The following PIP4K2C variants were observed in gnomAD, a reference collection of about 807,000 sequenced individuals.
The protein encoded by PIP4K2C is phosphatidylinositol 5-phosphate 4-kinase type-2 gamma.
Under a neutral mutation model 45.0 loss-of-function variants are expected in PIP4K2C, and 21 were observed. The ratio of observed to expected loss-of-function variants is 0.47; its 90% CI spans 0.33 to 0.67. The LOEUF is 0.67. Among genes scored for constraint, PIP4K2C ranks in the 30% least tolerant of loss-of-function variants. The pLI is 0.02. For missense variants in PIP4K2C, 456 were observed against 542.8 expected (o/e 0.84, Z 1.59); for synonymous variants, 201 against 204.8 (o/e 0.98, Z 0.16).
chr12:57,600,402 A>T lies in PIP4K2C; in HGVS notation c.778A>T (p.Lys260Ter), dbSNP rs1041484645. ...AGTATATATTGGTGAAGAGGAGAAGAAAATATTTCTGGAGAAGCTGAAGAG... is the reference window on the plus strand; with the variant it reads ...AGTATATATTGGTGAAGAGGAGAAGTAAATATTTCTGGAGAAGCTGAAGAG... Reference protein sequence around the residue: ...QKVYIGEEEKKIFLEKLKRDV... With the variant: ...QKVYIGEEEK The change falls in exon 7 of 10, where the codon AAA becomes TAA. Residue 260 changes from lysine to a stop codon, truncating the protein, a stop_gained. Coordinates refer to ENST00000354947, the MANE Select transcript of PIP4K2C (RefSeq NM_024779.5). LOFTEE classifies it high-confidence loss of function. 1 of 1,609,808 alleles carries T rather than the reference A, an allele frequency of 6.2e-7. No individual in the cohort carries two copies. The highest frequency in any genetic ancestry group is 8.5e-7 in the Non-Finnish European group (1 of 1,176,220).
rs1456881050 is a variant in PIP4K2C at position 57,591,222 on chromosome 12, G to C, written c.-68G>C. 2.7e-6 allele frequency: 4 copies of C among 1,483,848 alleles called. No individual in the cohort carries two copies. The African/African-American group carries it at 5.6e-5, about 21-fold the overall frequency. 91.9% of individuals were successfully genotyped at this position (1,483,848 alleles called of 1,614,324 possible). On this transcript the variant is annotated 5_prime_UTR_variant, in exon 1 of 10. Coordinates refer to ENST00000354947, the MANE Select transcript of PIP4K2C (RefSeq NM_024779.5). Reference sequence around the variant, plus strand: ...CGTGACAGCAGCGCAGGTGAGCGCCGCTTCCGGGGTCGGGCGCCTGGATAG... The same window carrying C: ...CGTGACAGCAGCGCAGGTGAGCGCCCCTTCCGGGGTCGGGCGCCTGGATAG...
At chr12:57,593,071 C>T (rs1006326492) in intron 1 of PIP4K2C, among the ~76,000 whole-genome samples, 1 of 152,048 alleles carries the variant, frequency 6.6e-6, no homozygotes, top group Non-Finnish European at 1.5e-5. Flanking sequence ...AATTAATAGA[C>T]ATGTCAGGAT....
intron 2 of PIP4K2C, 130 bp downstream of exon 2, chr12:57,594,252 C>A: frequency 1.4e-6 from 1 of 722,370 alleles, no homozygotes. Flanking sequence ...TGCAAGGAAA[C>A]CATGAGAATA....
In PIP4K2C at chr12:57,603,279, C is replaced by T. The variant is rs944341372; in HGVS notation, c.*1673C>T. The stretch of plus-strand genomic sequence containing the variant: ...GCTCTTTAGAAATGGGTTTTCTGAT[C>T]ATATGGCTGATGTGTTATGGGCAGT... On this transcript the variant is annotated 3_prime_UTR_variant, in exon 10 of 10. Transcript: ENST00000354947. 5.9e-5 allele frequency: 9 copies of T among 152,620 alleles called. No homozygotes were observed. The highest frequency in any genetic ancestry group is 2.2e-4 in the African/African-American group (9 of 41,446). The allele number at this position is 152,620 out of a possible 1,614,324, so 9.5% of individuals were successfully genotyped here. A position where few individuals can be genotyped will look rare whatever the true frequency, so the allele number is the denominator to read the frequency against.
Position 57,595,109 on chromosome 12 carries a change from G to A in PIP4K2C, c.273-17G>A. On this transcript the variant is annotated splice_polypyrimidine_tract_variant and intron_variant, in intron 2 of 9. Coordinates refer to ENST00000354947, the MANE Select transcript of PIP4K2C (RefSeq NM_024779.5). ...GTAATATTGTTTGTTTTCTTACTTT[G>A]AAAACCTGAATTTCAGGGAAAATCT... 6.6e-7 allele frequency: 1 copy of A among 1,524,276 alleles called. No individual in the cohort carries two copies. The highest frequency in any genetic ancestry group is 1.7e-4 in the Middle Eastern group (1 of 5,912). 94.4% of individuals were successfully genotyped at this position (1,524,276 alleles called of 1,614,324 possible).
chr12:57,600,809 A>C lies in PIP4K2C; in HGVS notation c.814-2A>C. ...GGTGTCTGATTTGTCAGTGGGTCTC[A>C]GTTTCTAGTGCAGCTGAAGATCATG... is the stretch of plus-strand genomic sequence containing the variant. On this transcript the variant is annotated splice_acceptor_variant, in intron 7 of 9. Transcript: ENST00000354947. LOFTEE classifies it high-confidence loss of function. 6.2e-7 allele frequency: 1 copy of C among 1,613,988 alleles called. No individual in the cohort carries two copies. The highest frequency in any genetic ancestry group is 2.2e-5 in the East Asian group (1 of 44,878).
rs812873 is a variant in PIP4K2C at position 57,601,306 on chromosome 12, T to C, written c.1143T>C (p.Ala381=). The change falls in exon 9 of 10, where the codon GCT becomes GCC. Residue 381 remains alanine, a synonymous_variant. Coordinates refer to ENST00000354947, the MANE Select transcript of PIP4K2C (RefSeq NM_024779.5). ...GLIDILTQYD[A]KKKAAHAAKT... is the part of the protein sequence containing the mutation. ...TTGATATCCTTACACAGTATGATGCTAAGAAGAAAGCAGCTCATGCAGCCA... is the reference window on the plus strand; with the variant it reads ...TTGATATCCTTACACAGTATGATGCCAAGAAGAAAGCAGCTCATGCAGCCA... 1,588,965 of 1,613,906 alleles carry C rather than the reference T, an allele frequency of 0.98. 784,974 individuals carry two copies. Among genetic ancestry groups the C allele is most frequent in the East Asian group, 1 (44,860 of 44,860 alleles).
Position 57,594,094 on chromosome 12 carries a change from ATCAAGG to A in PIP4K2C, c.249_254del (p.Lys83_Val84del). 1 of 1,614,016 alleles carries A rather than the reference ATCAAGG, an allele frequency of 6.2e-7. No individual in the cohort carries two copies. The highest frequency in any genetic ancestry group is 8.5e-7 in the Non-Finnish European group (1 of 1,179,970). Reference sequence around the variant, plus strand: ...AGATGACTTTAAGGCCAGCTCCAAGATCAAGGTCAACAATCACCTTTTCCACAGGTA... The same window carrying A: ...AGATGACTTTAAGGCCAGCTCCAAGATCAACAATCACCTTTTCCACAGGTA... On this transcript the variant is annotated inframe_deletion, in exon 2 of 10. Transcript: ENST00000354947.
At chr12:57,592,583 G>A (rs1078109) in intron 1 of PIP4K2C, among the ~76,000 whole-genome samples, 9,050 of 152,188 alleles carry the variant, frequency 0.059, 365 homozygotes, top group Non-Finnish European at 0.096. Flanking sequence ...TTGGTATGGG[G>A]AAGGCTGATG....
intron 1 of PIP4K2C, among the ~76,000 whole-genome samples, chr12:57,593,675 GTTTTTT>G (rs56900742): frequency 1.6e-5 from 1 of 64,042 alleles, no homozygotes; most frequent in African/African-American, 7.3e-5. Flanking sequence ...AGCTTGCAGA[GTTTTTT>G]TTTTTTTTTT....
intron 4 of PIP4K2C, among the ~76,000 whole-genome samples, chr12:57,598,394 G>T (rs976930924): frequency 1.3e-5 from 2 of 151,890 alleles, no homozygotes; most frequent in South Asian, 4.2e-4. Flanking sequence ...GGTGGTGTGC[G>T]CCTGTACTCC....
chr12:57,591,511 T>A, intron 1 of PIP4K2C, 48 bp downstream of exon 1: 2 of 1,496,652 alleles, frequency 1.3e-6, no homozygotes, highest in Non-Finnish European at 1.8e-6. Context: ...ACCCCTCGGC[T>A]CCGAGGCGTC....
At chr12:57,601,129 A>T in intron 8 of PIP4K2C, 51 bp downstream of exon 8, 1 of 1,605,474 alleles carries the variant, frequency 6.2e-7, no homozygotes, top group South Asian at 1.1e-5. Context: ...TTCCTGGAGG[A>T]CAGAGACCAG....
At chr12:57,594,215 C>A in intron 2 of PIP4K2C, 93 bp downstream of exon 2, 1 of 1,009,616 alleles carries the variant, frequency 9.9e-7, no homozygotes, top group Non-Finnish European at 1.4e-6. Context: ...AATTTAACAT[C>A]CTTCCCAAAT....
chr12:57,601,824 TCCTC>T lies in PIP4K2C; in HGVS notation c.*221_*224del. Reference sequence around the variant, plus strand: ...CTTTGCCCATTTTTCTTCCCTCTCTTCCTCCCCATGAGAAGTCTGCTTGTAGTAT... The same window carrying T: ...CTTTGCCCATTTTTCTTCCCTCTCTTCCCATGAGAAGTCTGCTTGTAGTAT... On this transcript the variant is annotated 3_prime_UTR_variant, in exon 10 of 10. Transcript: ENST00000354947. 1.7e-6 allele frequency: 1 copy of T among 573,618 alleles called. No individual in the cohort carries two copies. Among genetic ancestry groups the T allele is most frequent in the East Asian group, 2.9e-5 (1 of 33,946 alleles). 35.5% of individuals were successfully genotyped at this position (573,618 alleles called of 1,614,324 possible). A position where few individuals can be genotyped will look rare whatever the true frequency, so the allele number is the denominator to read the frequency against.
In PIP4K2C at chr12:57,601,046, T is replaced by C; in HGVS notation, c.1049T>C (p.Phe350Ser). 4.3e-6 allele frequency: 7 copies of C among 1,613,846 alleles called. No homozygotes were observed. The highest frequency in any genetic ancestry group is 5.9e-6 in the Non-Finnish European group (7 of 1,180,022). ...RPLGPGEFES[F>S]IDVYAIRSAE... ...CTGGGCCCAGGAGAGTTTGAGTCCTTCATTGATGTCTATGCCATCCGGAGT... is the reference window on the plus strand; with the variant it reads ...CTGGGCCCAGGAGAGTTTGAGTCCTCCATTGATGTCTATGCCATCCGGAGT... The change falls in exon 8 of 10, where the codon TTC becomes TCC. Residue 350 changes from phenylalanine to serine, a missense_variant. Physicochemically the swap from Phe to Ser is radical, Grantham distance 155. Transcript: ENST00000354947.
At chr12:57,592,502 C>A (rs1883006033) in intron 1 of PIP4K2C, among the ~76,000 whole-genome samples, 1 of 151,966 alleles carries the variant, frequency 6.6e-6, no homozygotes, top group Non-Finnish European at 1.5e-5. Flanking sequence ...TTGTTTGTGG[C>A]CAGTCGGATC....
intron 2 of PIP4K2C, among the ~76,000 whole-genome samples, chr12:57,594,599 C>T (rs796380186): frequency 6.6e-6 from 1 of 152,132 alleles, no homozygotes; most frequent in African/African-American, 2.4e-5. Flanking sequence ...ACTTACCAAC[C>T]ATGTTACTTA....
At position 57,601,003 on chromosome 12, in the gene PIP4K2C, A is replaced by C. The variant is rs1222831965; in HGVS notation, c.1006A>C (p.Ile336Leu). ...GTSPEGIGGY[I>L]HSHRPLGPGE... ...CTCCCCAGAGGGTATCGGAGGCTAC[A>C]TCCATTCCCATCGGCCCCTGGGCCC... Residue 336 changes from isoleucine to leucine, a missense_variant, in exon 8 of 10, where the codon ATC becomes CTC. Around this residue, in one of 2 missense-constraint regions of PIP4K2C, gnomAD observed 421 missense variants for 473.1 expected, o/e 0.89. Transcript: ENST00000354947. 2.5e-6 allele frequency: 4 copies of C among 1,613,964 alleles called. No homozygotes were observed. Among genetic ancestry groups the C allele is most frequent in the African/African-American group, 1.3e-5 (1 of 74,908 alleles).
Sources: allele counts gnomAD v4.1 joint callset (sites outside exome capture counted in the v4.1 genomes callset), GRCh38; gene constraint gnomAD v4.1.1; regional missense constraint gnomAD v4.1.1; transcripts MANE v1.5; gene names NCBI Gene and HGNC (gene_info 2026-07-23, HGNC 2026-07-21).